Variants in ZNF676 observed in about 807,000 individuals in gnomAD.
ZNF676 encodes zinc finger protein 676.
ZNF676 carries 4 observed loss-of-function variants against 6.0 expected under a neutral mutation model. The ratio of observed to expected loss-of-function variants is 0.67; its 90% CI spans 0.33 to 1.53. The LOEUF is 1.53. ZNF676 is among the 40% of genes most tolerant of loss of function. ZNF676 has a pLI of 0.06. For missense variants in ZNF676, 644 were observed against 679.7 expected (o/e 0.95, Z 0.58); for synonymous variants, 198 against 223.1 (o/e 0.89, Z 1.00).
chr19:22,212,144 G>C (rs1394333466), intron 1 of ZNF676, among the ~76,000 whole-genome samples: 7 of 147,108 alleles, frequency 4.8e-5, no homozygotes, highest in Admixed American at 4.1e-4. Context: ...AGCTTGCAGC[G>C]AGCCGAGATC....
the ZNF676 span, among the ~76,000 whole-genome samples, chr19:22,229,063 A>G: frequency 2.6e-4 from 39 of 152,340 alleles, no homozygotes; most frequent in African/African-American, 8.9e-4. Context: ...AACAAAAAGA[A>G]CAAAGCTGGA....
chr19:22,218,689 A>T (rs2024218474), upstream of ZNF676, among the ~76,000 whole-genome samples: 2 of 152,104 alleles, frequency 1.3e-5, no homozygotes, highest in African/African-American at 4.8e-5. Context: ...CAATTATCCC[A>T]GTACCATTCT....
chr19:22,251,733 G>A, the ZNF676 span, among the ~76,000 whole-genome samples: 135,228 of 150,430 alleles, frequency 0.9, 62,546 homozygotes, highest in East Asian at 1. Context: ...GTTGCAGTGA[G>A]CCAAGATTGC....
At chr19:22,197,125 C>A (rs552873510), upstream of ZNF676, among the ~76,000 whole-genome samples, 618 of 152,068 alleles carry the variant, frequency 4.1e-3, 5 homozygotes, top group African/African-American at 0.014. Context: ...GAGTTCGAGA[C>A]CAGCCTGACC....
the ZNF676 span, among the ~76,000 whole-genome samples, chr19:22,254,262 A>G: frequency 1.3e-5 from 2 of 151,810 alleles, no homozygotes; most frequent in Non-Finnish European, 2.9e-5. Flanking sequence ...TGATATGTCA[A>G]AATGCTCTCT....
chr19:22,195,105 T>C (rs1290917976), intron 1 of ZNF676, among the ~76,000 whole-genome samples: 1 of 152,180 alleles, frequency 6.6e-6, no homozygotes, highest in South Asian at 2.1e-4. Context: ...GGGGAATATA[T>C]AGTGCAATTA....
chr19:22,215,040 C>CAAAAAA (rs1159376851), intron 1 of ZNF676, among the ~76,000 whole-genome samples: 8 of 51,388 alleles, frequency 1.6e-4, no homozygotes, highest in Non-Finnish European at 2.9e-4. Context: ...GACTCCATCT[C>CAAAAAA]AAAAAAAAAA....
At chr19:22,259,832 T>C in the ZNF676 span, 1 of 152,196 alleles carries the variant, frequency 6.6e-6, no homozygotes, top group East Asian at 1.9e-4. Context: ...CCCAGCAATA[T>C]GTCACTATCT....
chr19:22,200,515 A>T (rs1289880040), upstream of ZNF676, among the ~76,000 whole-genome samples: 2 of 105,844 alleles, frequency 1.9e-5, no homozygotes, highest in African/African-American at 3.8e-5. Flanking sequence ...TGCTTCATCA[A>T]TTTTTTTTTT....
At chr19:22,193,164 A>T in intron 1 of ZNF676, 53 bp from the exon 2 acceptor site, 1 of 1,515,776 alleles carries the variant, frequency 6.6e-7, no homozygotes, top group African/African-American at 1.4e-5. Flanking sequence ...TCCAATTACC[A>T]ACTTAGTAAT....
chr19:22,247,627 T>G, the ZNF676 span, among the ~76,000 whole-genome samples: 3 of 149,308 alleles, frequency 2.0e-5, no homozygotes, highest in South Asian at 6.4e-4. Flanking sequence ...GGTTAAAAAA[T>G]CGACGAGGCA....
chr19:22,233,505 G>T, the ZNF676 span, among the ~76,000 whole-genome samples: 2 of 147,574 alleles, frequency 1.4e-5, no homozygotes, highest in South Asian at 4.3e-4. Flanking sequence ...TAGAGATTCT[G>T]GGAGTCTTTC....
intron 2 of ZNF676, among the ~76,000 whole-genome samples, chr19:22,190,648 T>TATATATATAC (rs2023893415): frequency 7.7e-6 from 1 of 129,918 alleles, no homozygotes; most frequent in Non-Finnish European, 1.5e-5. Context: ...TATATATATA[T>TATATATATAC]ATATATATAT....
intron 1 of ZNF676, among the ~76,000 whole-genome samples, chr19:22,207,511 C>A (rs1477211163): frequency 6.6e-6 from 1 of 152,096 alleles, no homozygotes; most frequent in Non-Finnish European, 1.5e-5. Flanking sequence ...TAAAAATGGC[C>A]ATACTGCTTA....
chr19:22,226,388 A>T, the ZNF676 span, among the ~76,000 whole-genome samples: 1 of 152,112 alleles, frequency 6.6e-6, no homozygotes, highest in Non-Finnish European at 1.5e-5. Flanking sequence ...GTTAATAATC[A>T]AATTTTAAAA....
At chr19:22,233,583 A>G in the ZNF676 span, among the ~76,000 whole-genome samples, 1 of 144,338 alleles carries the variant, frequency 6.9e-6, no homozygotes, top group Non-Finnish European at 1.5e-5. Flanking sequence ...AAGTTTATTA[A>G]TCTTTCTTCT....
intron 1 of ZNF676, among the ~76,000 whole-genome samples, chr19:22,208,279 C>CAAA (rs59454778): frequency 7.0e-6 from 1 of 143,160 alleles, no homozygotes; most frequent in Non-Finnish European, 1.5e-5. Flanking sequence ...AAAAGAAGAC[C>CAAA]AAAAAAAAAA....
At position 22,179,991 on chromosome 19, in the gene ZNF676, C is replaced by CA; in HGVS notation, c.1725dup (p.Val576CysfsTer2). 1 of 1,611,584 alleles carries CA rather than the reference C, an allele frequency of 6.2e-7. No homozygotes were observed. The highest frequency in any genetic ancestry group is 8.5e-7 in the Non-Finnish European group (1 of 1,179,256). On this transcript the variant is annotated frameshift_variant, in exon 3 of 3. Transcript: ENST00000397121. LOFTEE classifies it low-confidence loss of function (END_TRUNC). ...GTATGAATTTTCTTATGATAACTAA[C>CA]AGTTGAGGATGACTTAAAAGCTTTG...
intron 1 of ZNF676, among the ~76,000 whole-genome samples, chr19:22,207,196 T>C (rs1439497193): frequency 2.6e-5 from 4 of 152,164 alleles, no homozygotes; most frequent in African/African-American, 4.8e-5. Context: ...TGGAAACCCA[T>C]ATACTCTCAG....
Sources: allele counts gnomAD v4.1 joint callset (sites outside exome capture counted in the v4.1 genomes callset), GRCh38; gene constraint gnomAD v4.1.1; transcripts MANE v1.5; gene names NCBI Gene and HGNC (gene_info 2026-07-23, HGNC 2026-07-21).